The following DROSHA variants were observed in gnomAD, a reference collection of about 807,000 sequenced individuals.
The protein encoded by DROSHA is ribonuclease 3.
A neutral mutation model predicts 181.9 loss-of-function variants in DROSHA; 56 were observed. The ratio of observed to expected loss-of-function variants is 0.31; its 90% confidence interval spans 0.25 to 0.38. The LOEUF (loss-of-function observed/expected upper bound fraction) is 0.38. Among genes scored for constraint, DROSHA ranks in the 10% least tolerant of loss-of-function variants. DROSHA has a pLI of 1.00. For synonymous variants in DROSHA, 524 were observed against 591.2 expected (o/e 0.89, Z 1.65); for missense variants, 1,218 against 1,743.5 (o/e 0.70, Z 5.37).
chr5:31,477,148 T>A (rs994429737), intron 16 of DROSHA, among the ~76,000 whole-genome samples: 1 of 152,214 alleles, frequency 6.6e-6, no homozygotes, highest in Non-Finnish European at 1.5e-5. Context: ...GGAATGAATC[T>A]GGACAGTCAT....
chr5:31,455,963 C>G (rs1747608722), intron 20 of DROSHA, among the ~76,000 whole-genome samples: 1 of 151,990 alleles, frequency 6.6e-6, no homozygotes, highest in Non-Finnish European at 1.5e-5. Context: ...CTTTTGACAG[C>G]AATGTTTTAT....
At position 31,409,318 on chromosome 5, in the gene DROSHA, G is replaced by C. The variant is rs776966464; in HGVS notation, c.3682C>G (p.Leu1228Val). The C allele has an allele frequency of 6.3e-7, 1 of 1,579,458 alleles. No homozygotes were observed. The change falls in exon 32 of 36, where the codon CTG becomes GTG. Residue 1228 changes from leucine to valine, a missense_variant. Physicochemically the swap from Leu to Val is conservative, Grantham distance 32. Coordinates refer to ENST00000344624, the MANE Select transcript of DROSHA (RefSeq NM_001382508.1). This position sits in a 1 kb window ranked among gnomAD's most constrained non-coding sequence, Gnocchi z 4.0. ...ADLLESFIAA[L>V]YIDKDLEYVH... is the part of the protein sequence containing the mutation. The stretch of plus-strand genomic sequence containing the variant: ...TATTCCAAATCCTTATCAATGTACA[G>C]CGCTGCAATAAATGCTGGGGAAAAA...
chr5:31,516,410 T>C (rs1470841042), intron 6 of DROSHA, among the ~76,000 whole-genome samples: 1 of 152,214 alleles, frequency 6.6e-6, no homozygotes, highest in African/African-American at 2.4e-5. Context: ...AAGTTACTAC[T>C]ATCCATGTAA....
At chr5:31,468,149 C>CT in intron 17 of DROSHA, 86 bp from the exon 18 acceptor site, 2 of 1,458,306 alleles carry the variant, frequency 1.4e-6, no homozygotes, top group Non-Finnish European at 1.8e-6. Context: ...ATAAATCGGA[C>CT]TTTTTTCCAG....
intron 23 of DROSHA, among the ~76,000 whole-genome samples, chr5:31,443,264 C>G (rs1006067727): frequency 1.3e-5 from 2 of 152,042 alleles, no homozygotes; most frequent in East Asian, 1.9e-4. Flanking sequence ...GTGATCCACC[C>G]ACCTCGGCCT....
chr5:31,433,571 G>A (rs1333635462), intron 25 of DROSHA, among the ~76,000 whole-genome samples: 1 of 151,918 alleles, frequency 6.6e-6, no homozygotes, highest in African/African-American at 2.4e-5. Flanking sequence ...TTGAGAAGGA[G>A]TCTTGCTCTG....
At chr5:31,441,552 T>A (rs1745601514) in intron 23 of DROSHA, among the ~76,000 whole-genome samples, 1 of 152,186 alleles carries the variant, frequency 6.6e-6, no homozygotes. Flanking sequence ...CACATTATAT[T>A]AACAAAAAAA....
intron 33 of DROSHA, among the ~76,000 whole-genome samples, chr5:31,407,936 C>G (rs1452503402): frequency 6.6e-6 from 1 of 152,098 alleles, no homozygotes; most frequent in African/African-American, 2.4e-5. Context: ...GCTTATTAGG[C>G]ACATAATAAA....
Position 31,526,122 on chromosome 5 carries a change from G to A in DROSHA, c.811C>T (p.Arg271Ter), listed in dbSNP as rs753623166. The A allele has an allele frequency of 3.1e-6, 5 of 1,605,150 alleles. No individual in the cohort carries two copies. Among genetic ancestry groups the A allele is most frequent in the South Asian group, 1.1e-5 (1 of 90,844 alleles). The change falls in exon 5 of 36, where the codon CGA becomes TGA. Residue 271 changes from arginine (R) to a stop codon, truncating the protein, a stop_gained. Coordinates refer to ENST00000344624, the MANE Select transcript of DROSHA (RefSeq NM_001382508.1). LOFTEE classifies it high-confidence loss of function. ...QDSRYRSDYDRGRTPSRHRSY... is the reference protein window; with the variant it reads ...QDSRYRSDYD The stretch of plus-strand genomic sequence containing the variant: ...CGGTGGCGAGATGGTGTTCTCCCTC[G>A]GTCATAATCAGATCTGTACCGGCTG...
At chr5:31,406,402 C>T (rs72751580) in intron 34 of DROSHA, among the ~76,000 whole-genome samples, 22,921 of 151,856 alleles carry the variant, frequency 0.15, 2,154 homozygotes, top group Non-Finnish European at 0.21. Flanking sequence ...ACTAGCTTCT[C>T]GAGTAGCCAA....
intron 20 of DROSHA, among the ~76,000 whole-genome samples, chr5:31,453,831 AAATTTCT>A (rs1264564927): frequency 6.6e-6 from 1 of 152,124 alleles, no homozygotes; most frequent in Admixed American, 6.5e-5. Context: ...ACAAGACTTT[AAATTTCT>A]AACTCAGTTT....
rs902111218 is a variant in DROSHA, at chr5:31,526,751, G to A, written c.182C>T (p.Thr61Ile). ...YQYEPPSAPS[T>I]TFSNSPAPNF... ...GGGGGCTGGAGAGTTTGAGAAAGTG[G>A]TGGAAGGGGCACTTGGAGGTTCATA... The change falls in exon 5 of 36, where the codon ACC becomes ATC. Residue 61 changes from threonine to isoleucine, a missense_variant. Coordinates refer to ENST00000344624, the MANE Select transcript of DROSHA (RefSeq NM_001382508.1). 1 of 1,590,550 alleles carries A rather than the reference G, an allele frequency of 6.3e-7. No homozygotes were observed. The highest frequency in any genetic ancestry group is 8.5e-7 in the Non-Finnish European group (1 of 1,170,198).
intron 4 of DROSHA, among the ~76,000 whole-genome samples, chr5:31,528,021 TC>T (rs1740802680): frequency 6.6e-6 from 1 of 152,146 alleles, no homozygotes; most frequent in African/African-American, 2.4e-5. Context: ...TGGATGCGTT[TC>T]TTGGCTTCCT....
rs1752854937 is a variant in DROSHA at position 31,495,369 on chromosome 5, T to C, written c.1672A>G (p.Ile558Val). 1 of 1,612,976 alleles carries C rather than the reference T, an allele frequency of 6.2e-7. No homozygotes were observed. Among genetic ancestry groups the C allele is most frequent in the Non-Finnish European group, 8.5e-7 (1 of 1,179,598 alleles). ...RHSIYPGEEA[I>V]KPCRPMTNNA... Reference sequence around the variant, plus strand: ...TTGGTCATAGGACGACAGGGCTTGATGGCCTGAGGGGAAAAAAACGAAAAT... The same window carrying C: ...TTGGTCATAGGACGACAGGGCTTGACGGCCTGAGGGGAAAAAAACGAAAAT... Residue 558 changes from isoleucine (I) to valine (V), a missense_variant, in exon 12 of 36, where the codon ATC becomes GTC. Around this residue, in one of 8 missense-constraint regions of DROSHA, gnomAD observed 460 missense variants for 774.2 expected, o/e 0.59. Coordinates refer to ENST00000344624, the MANE Select transcript of DROSHA (RefSeq NM_001382508.1).
intron 23 of DROSHA, among the ~76,000 whole-genome samples, chr5:31,443,619 A>T (rs562908168): frequency 1.1e-4 from 17 of 152,326 alleles, no homozygotes; most frequent in African/African-American, 3.8e-4. Context: ...TTTGCTTGAG[A>T]TAACAGCATC....
Position 31,526,975 on chromosome 5 carries a change from G to A in DROSHA, c.21-63C>T, listed in dbSNP as rs1252864849. 2.1e-6 allele frequency: 3 copies of A among 1,453,576 alleles called. No individual in the cohort carries two copies. In the East Asian group the frequency reaches 7.4e-5, roughly 36 times the overall value. 90.0% of individuals were successfully genotyped at this position (1,453,576 alleles called of 1,614,324 possible). On this transcript the variant is annotated intron_variant, in intron 4 of 35. Coordinates refer to ENST00000344624, the MANE Select transcript of DROSHA (RefSeq NM_001382508.1). ...AAAAATAATTCTTACTATGTAAACA[G>A]GGTTTCATAAATGCCTGACCATCTT...
In DROSHA at chr5:31,422,856, A is replaced by T; in HGVS notation, c.3350T>A (p.Ile1117Asn). Residue 1117 changes from isoleucine (I) to asparagine (N), a missense_variant, in exon 29 of 36, where the codon ATT (isoleucine) becomes AAT (asparagine). Ile to Asn is a moderately radical substitution (Grantham distance 149, BLOSUM62 -3). This residue lies in a region of DROSHA where 71 missense variants were observed against 95.2 expected (regional missense o/e 0.75). Coordinates refer to ENST00000344624, the MANE Select transcript of DROSHA (RefSeq NM_001382508.1). ...LTEFEEAIGV[I>N]FTHVRLLARA... ...TGCCAGAAGTCGAACATGAGTAAAA[A>T]TTACTCCAATTGCTTCTTCAAACTC... The T allele has an allele frequency of 6.2e-7, 1 of 1,613,698 alleles. No individual in the cohort carries two copies. Among genetic ancestry groups the T allele is most frequent in the Non-Finnish European group, 8.5e-7 (1 of 1,179,774 alleles).
intron 13 of DROSHA, among the ~76,000 whole-genome samples, chr5:31,491,708 AAT>A (rs1491018631): frequency 6.6e-6 from 1 of 151,410 alleles, no homozygotes; most frequent in Non-Finnish European, 1.5e-5. Context: ...GAAAAAAAAA[AAT>A]GCAAAGAAAT....
intron 8 of DROSHA, among the ~76,000 whole-genome samples, chr5:31,513,309 C>T (rs111278608): frequency 2.3e-4 from 35 of 152,158 alleles, no homozygotes; most frequent in African/African-American, 8.2e-4. Flanking sequence ...CATCACTGAG[C>T]CACTCAGTGA....
Sources: allele counts gnomAD v4.1 joint callset (sites outside exome capture counted in the v4.1 genomes callset), GRCh38; gene constraint gnomAD v4.1.1; regional missense constraint gnomAD v4.1.1; non-coding constraint Gnocchi (gnomAD v3.1); transcripts MANE v1.5; gene names NCBI Gene and HGNC (gene_info 2026-07-23, HGNC 2026-07-21).